Variants in ZNF714 observed in about 807,000 individuals in gnomAD.
ZNF714 encodes zinc finger protein 714.
ZNF714 carries 32 observed loss-of-function variants against 46.2 expected under a neutral mutation model. The observed-to-expected ratio is 0.69, with a 90% confidence interval of 0.52 to 0.93. The LOEUF (loss-of-function observed/expected upper bound fraction) is 0.93. ZNF714 is among the 40% of genes least tolerant of loss of function. The pLI is 0.00. For missense variants in ZNF714, 635 were observed against 646.3 expected (o/e 0.98, Z 0.19); for synonymous variants, 199 against 213.1 (o/e 0.93, Z 0.58).
At chr19:21,083,925 T>TAA in intron 1 of ZNF714, 53 bp from the exon 2 acceptor site, 2 of 996,818 alleles carry the variant, frequency 2.0e-6, no homozygotes, top group South Asian at 3.1e-5. Flanking sequence ...ACCATGGTTA[T>TAA]GTCAGCTAAA....
intron 2 of ZNF714, among the ~76,000 whole-genome samples, chr19:21,084,767 G>C (rs1012000263): frequency 7.1e-6 from 1 of 141,148 alleles, no homozygotes; most frequent in African/African-American, 2.7e-5. Flanking sequence ...GCAGTGGTAT[G>C]ATCTCGGCTC....
At chr19:21,113,428 T>C (rs913892134) in intron 4 of ZNF714, among the ~76,000 whole-genome samples, 1 of 151,806 alleles carries the variant, frequency 6.6e-6, no homozygotes, top group Non-Finnish European at 1.5e-5. Context: ...TGCAGTGGCA[T>C]GTTATGATTT....
At chr19:21,114,409 C>T (rs1969539114) in intron 4 of ZNF714, among the ~76,000 whole-genome samples, 1 of 136,410 alleles carries the variant, frequency 7.3e-6, no homozygotes, top group Admixed American at 8.1e-5. Flanking sequence ...GCACTCGAAC[C>T]TAGGTGACAG....
At chr19:21,107,330 C>T (rs1399168481) in intron 4 of ZNF714, among the ~76,000 whole-genome samples, 2 of 152,074 alleles carry the variant, frequency 1.3e-5, no homozygotes, top group East Asian at 3.9e-4. Context: ...ACCTCCGCCT[C>T]CCGGGTTCAA....
intron 1 of ZNF714, among the ~76,000 whole-genome samples, chr19:21,083,081 A>G (rs576498276): frequency 2.6e-4 from 40 of 151,606 alleles, no homozygotes; most frequent in African/African-American, 9.2e-4. Context: ...CTTGTTGCCC[A>G]GGCTGGAGTG....
Position 21,118,284 on chromosome 19 carries a change from T to C in ZNF714, c.1620T>C (p.Ser540=). The part of the protein sequence containing the change: ...DQPGQHGKTP[S]LLKIQKFAGC... ...CTGGCCAACATGGTAAAACCCCATC[T>C]CTACTAAAAATACAAAAATTTGCTG... Residue 540 remains serine, a synonymous_variant, in exon 5 of 5, where the codon TCT becomes TCC. Coordinates refer to ENST00000456283, the MANE Select transcript of ZNF714 (RefSeq NM_182515.4). 11 of 1,276,946 alleles carry C rather than the reference T, an allele frequency of 8.6e-6. No homozygotes were observed. The highest frequency in any genetic ancestry group is 1.2e-5 in the Non-Finnish European group (11 of 925,338). The allele number at this position is 1,276,946 out of a possible 1,614,324, so 79.1% of individuals were successfully genotyped here.
intron 1 of ZNF714, among the ~76,000 whole-genome samples, chr19:21,082,894 G>C (rs937173786): frequency 3.3e-5 from 5 of 152,170 alleles, no homozygotes; most frequent in African/African-American, 1.2e-4. Flanking sequence ...TAATTGGTTA[G>C]GTTCAGATAC....
chr19:21,085,127 C>T (rs1046161971), intron 2 of ZNF714, among the ~76,000 whole-genome samples: 6 of 151,794 alleles, frequency 4.0e-5, no homozygotes, highest in South Asian at 2.1e-4. Flanking sequence ...TGCTAGCTAC[C>T]GAGGAAAAGA....
chr19:21,089,011 GT>G (rs1968848521), intron 2 of ZNF714, among the ~76,000 whole-genome samples: 1 of 152,114 alleles, frequency 6.6e-6, no homozygotes, highest in South Asian at 2.1e-4. Context: ...GAAGAGCTGA[GT>G]TTTTCCCCAT....
Position 21,097,097 on chromosome 19 carries a change from ACAT to A in ZNF714, c.-84-1084_-84-1082del, listed in dbSNP as rs1969059664. Among the ~76,000 whole-genome samples, 15 of 152,206 alleles carry A rather than the reference ACAT, an allele frequency of 9.9e-5. No individual in the cohort carries two copies. In the South Asian group the frequency reaches 3.1e-3, roughly 32 times the overall value. On this transcript the variant is annotated intron_variant, in intron 2 of 4. Transcript: ENST00000456283. ...TAGCCAGGATGGTCTTGATCTCCTGACATCATGATCCGCCTGCCTCAGCCTCCC... is the reference window on the plus strand; with the variant it reads ...TAGCCAGGATGGTCTTGATCTCCTGACATGATCCGCCTGCCTCAGCCTCCC...
intron 4 of ZNF714, among the ~76,000 whole-genome samples, chr19:21,104,085 C>T (rs1277560006): frequency 6.6e-6 from 1 of 151,974 alleles, no homozygotes; most frequent in Non-Finnish European, 1.5e-5. Context: ...CTTAAGATAT[C>T]TCATATACAT....
At position 21,117,526 on chromosome 19, in the gene ZNF714, G is replaced by A. The variant is rs769147014; in HGVS notation, c.862G>A (p.Glu288Lys). ...IHVKEKPYKCEECDKAFNRFS... is the reference protein window; with the variant it reads ...IHVKEKPYKCKECDKAFNRFS... ...TGTTAAAGAAAAACCCTACAAATGT[G>A]AAGAATGTGACAAAGCTTTTAACCG... Residue 288 changes from glutamate (E) to lysine (K), a missense_variant, in exon 5 of 5, where the codon GAA (glutamate) becomes AAA (lysine). Transcript: ENST00000456283. The A allele has an allele frequency of 1.2e-6, 2 of 1,606,972 alleles. No individual in the cohort carries two copies. The highest frequency in any genetic ancestry group is 1.7e-6 in the Non-Finnish European group (2 of 1,176,108).
chr19:21,119,388 C>A lies in ZNF714; in HGVS notation c.*1056C>A. 1.2e-5 allele frequency: 2 copies of A among 169,888 alleles called. No individual in the cohort carries two copies. The highest frequency in any genetic ancestry group is 1.3e-5 in the Non-Finnish European group (1 of 77,880). The allele number at this position is 169,888 out of a possible 1,614,324, so 10.5% of individuals were successfully genotyped here. ...CTAGCCTGGGCCACAGAGCAAGACT[C>A]CATCTAAAAAGTAAAAAAAAAAGAA... On this transcript the variant is annotated 3_prime_UTR_variant, in exon 5 of 5. Coordinates refer to ENST00000456283, the MANE Select transcript of ZNF714 (RefSeq NM_182515.4).
At chr19:21,114,820 G>A (rs1472572054) in intron 4 of ZNF714, among the ~76,000 whole-genome samples, 1 of 151,902 alleles carries the variant, frequency 6.6e-6, no homozygotes, top group Non-Finnish European at 1.5e-5. Flanking sequence ...TTCCTTAATA[G>A]CTCTATCTAG....
chr19:21,083,942 A>T, intron 1 of ZNF714, 36 bp from the exon 2 acceptor site: 2 of 1,140,262 alleles, frequency 1.8e-6, no homozygotes, highest in Non-Finnish European at 1.2e-6. Context: ...TAAAGTGCCT[A>T]GTGAATATCA....
intron 2 of ZNF714, among the ~76,000 whole-genome samples, chr19:21,092,204 C>T (rs779792634): frequency 6.6e-6 from 1 of 152,080 alleles, no homozygotes; most frequent in Non-Finnish European, 1.5e-5. Flanking sequence ...TGATGACAGA[C>T]CCCCTTTTCC....
In ZNF714 at chr19:21,118,857, C is replaced by G. The variant is rs915165778; in HGVS notation, c.*525C>G. On this transcript the variant is annotated 3_prime_UTR_variant, in exon 5 of 5. Coordinates refer to ENST00000456283, the MANE Select transcript of ZNF714 (RefSeq NM_182515.4). ...AGAAATCTGAAGAATGAGACAAAGC[C>G]TTTAAATGGTTGTCACACTTGATTG... 9.6e-6 allele frequency: 2 copies of G among 208,784 alleles called. No individual in the cohort carries two copies. Among genetic ancestry groups the G allele is most frequent in the African/African-American group, 4.8e-5 (2 of 41,686 alleles). The allele number at this position is 208,784 out of a possible 1,614,324, so 12.9% of individuals were successfully genotyped here. A position where few individuals can be genotyped will look rare whatever the true frequency, so the allele number is the denominator to read the frequency against.
intron 4 of ZNF714, among the ~76,000 whole-genome samples, chr19:21,106,622 A>G (rs1433191269): frequency 6.6e-6 from 1 of 152,042 alleles, no homozygotes; most frequent in South Asian, 2.1e-4. Flanking sequence ...AAATGATTCA[A>G]CTTTATCAGT....
In ZNF714 at chr19:21,121,054, T is replaced by C. The variant is rs1969695162; in HGVS notation, c.*2722T>C. ...TTTGTTGTTGTTGTTCTTGTTGTTG[T>C]TGAGACGGAGTCTCGCTCTGTCGCC... On this transcript the variant is annotated 3_prime_UTR_variant, in exon 5 of 5. Coordinates refer to ENST00000456283, the MANE Select transcript of ZNF714 (RefSeq NM_182515.4). 6.6e-6 allele frequency: 1 copy of C among 152,212 alleles called. No individual in the cohort carries two copies. 9.4% of individuals were successfully genotyped at this position (152,212 alleles called of 1,614,324 possible).
Sources: allele counts gnomAD v4.1 joint callset (sites outside exome capture counted in the v4.1 genomes callset), GRCh38; gene constraint gnomAD v4.1.1; transcripts MANE v1.5; gene names NCBI Gene and HGNC (gene_info 2026-07-23, HGNC 2026-07-21).